Variants in SUN1 observed in about 807,000 individuals in gnomAD.
SUN1 encodes Sad1 and UNC84 domain containing 1.
Under a neutral mutation model 103.2 loss-of-function variants are expected in SUN1, and 61 were observed. That is an observed-to-expected ratio of 0.59 (90% confidence interval 0.48 to 0.73). SUN1 has a LOEUF of 0.73. SUN1 is among the 30% of genes least tolerant of loss of function. SUN1 has a pLI of 0.00. For missense variants in SUN1, 1,052 were observed against 1,034.6 expected, an observed-to-expected ratio of 1.02 and a Z score of -0.23; for synonymous variants, 490 against 425.7, an observed-to-expected ratio of 1.15 and a Z score of -1.86.
At chr7:820,933 A>G (rs1439074504) in intron 1 of SUN1, among the ~76,000 whole-genome samples, 2 of 152,132 alleles carry the variant, frequency 1.3e-5, no homozygotes, top group Admixed American at 6.5e-5. Flanking sequence ...TGGGGGTTCC[A>G]TGATCAAAGT....
chr7:835,033 G>A (rs1297720959), intron 1 of SUN1, among the ~76,000 whole-genome samples: 5 of 152,220 alleles, frequency 3.3e-5, no homozygotes, highest in African/African-American at 9.6e-5. Context: ...CTGAGATCGC[G>A]CCACTGCAGT....
intron 1 of SUN1, among the ~76,000 whole-genome samples, chr7:824,982 C>G (rs979885824): frequency 1.9e-4 from 29 of 152,116 alleles, no homozygotes; most frequent in African/African-American, 6.5e-4. Context: ...TGAATTGGAC[C>G]CCAGAGGACT....
At chr7:830,883 C>G (rs550077314), upstream of SUN1, 1 of 917,526 alleles carries the variant, frequency 1.1e-6, no homozygotes, top group Non-Finnish European at 1.3e-6. Flanking sequence ...AGGCAGAGCC[C>G]ATTGTTGCAT....
rs6948991 is a variant in SUN1 at position 850,174 on chromosome 7, A to G, written c.659-1210A>G. 14,109 of 760,502 alleles carry G rather than the reference A, an allele frequency of 0.019. 943 individuals are homozygous for G. In the East Asian group the frequency reaches 0.2, roughly 11 times the overall value. 47.1% of individuals were successfully genotyped at this position (760,502 alleles called of 1,614,324 possible). A position where few individuals can be genotyped will look rare whatever the true frequency, so the allele number is the denominator to read the frequency against. ...AATAGTATTAACTTTGGTTTAAAACAGGGTGAATCTCTCTCGAAAAGCTCC... is the reference window on the plus strand; with the variant it reads ...AATAGTATTAACTTTGGTTTAAAACGGGGTGAATCTCTCTCGAAAAGCTCC... On this transcript the variant is annotated intron_variant, in intron 5 of 18. Coordinates refer to ENST00000401592, the MANE Select transcript of SUN1 (RefSeq NM_001130965.3).
At chr7:832,200 G>C (rs1170949576), upstream of SUN1, 2 of 765,338 alleles carry the variant, frequency 2.6e-6, no homozygotes, top group East Asian at 5.1e-5. Flanking sequence ...AGAGAGCTCT[G>C]AGTTTCTCTC....
intron 1 of SUN1, among the ~76,000 whole-genome samples, chr7:835,546 C>T (rs1409377130): frequency 2.0e-5 from 3 of 152,092 alleles, no homozygotes; most frequent in African/African-American, 7.2e-5. Flanking sequence ...TGGGTGATTT[C>T]CCTCTTAAAT....
chr7:842,884 T>C (rs1448250709), intron 3 of SUN1: 3 of 493,352 alleles, frequency 6.1e-6, no homozygotes, highest in African/African-American at 5.9e-5. Context: ...CTGCTGCTGC[T>C]GAGGCTTGTG....
chr7:837,455 T>G (rs1465752408), intron 1 of SUN1, among the ~76,000 whole-genome samples: 1 of 151,374 alleles, frequency 6.6e-6, no homozygotes, highest in African/African-American at 2.5e-5. Context: ...TTTCAATCTT[T>G]TGATACAAAG....
chr7:835,031 G>T (rs556099961), intron 1 of SUN1, among the ~76,000 whole-genome samples: 5 of 152,352 alleles, frequency 3.3e-5, no homozygotes, highest in African/African-American at 1.2e-4. Flanking sequence ...AGCTGAGATC[G>T]CGCCACTGCA....
intron 10 of SUN1, 112 bp from the exon 11 acceptor site, chr7:854,808 A>G (rs1033004649): frequency 8.2e-6 from 6 of 731,270 alleles, no homozygotes; most frequent in Non-Finnish European, 1.2e-5. Flanking sequence ...CCACATTGCG[A>G]CCACAGATTC....
At chr7:843,614 G>A (rs1191189083) in intron 5 of SUN1, 94 bp downstream of exon 5, 1 of 1,607,010 alleles carries the variant, frequency 6.2e-7, no homozygotes, top group Non-Finnish European at 8.5e-7. Context: ...TATTTGTCTT[G>A]GAGACTTAAA....
rs752880435 is a variant in SUN1, at chr7:852,651, A to G, written c.894A>G (p.Pro298=). Residue 298 remains proline, a synonymous_variant, in exon 8 of 19, where the codon CCA becomes CCG. Coordinates refer to ENST00000401592, the MANE Select transcript of SUN1 (RefSeq NM_001130965.3). Reference sequence around the variant, plus strand: ...GCAAGTTTTTAGTCTTGCTCATCCCACTCTTCCTTTTACTAGGTAAGTCAA... The same window carrying G: ...GCAAGTTTTTAGTCTTGCTCATCCCGCTCTTCCTTTTACTAGGTAAGTCAA... The part of the protein sequence containing the change: ...NICKFLVLLI[P]LFLLLAGLSL... The G allele has an allele frequency of 6.2e-7, 1 of 1,613,482 alleles. No homozygotes were observed. Among genetic ancestry groups the G allele is most frequent in the Admixed American group, 1.7e-5 (1 of 59,932 alleles).
rs567300922 is a variant in SUN1, at chr7:864,207, G to A, written c.1865-1745G>A. Reference sequence around the variant, plus strand: ...AAAAATGGGGTACCCATCCCCTCCAGCATTTATCCTTTGAGTTACAAACAA... The same window carrying A: ...AAAAATGGGGTACCCATCCCCTCCAACATTTATCCTTTGAGTTACAAACAA... On this transcript the variant is annotated intron_variant, in intron 15 of 18. Transcript: ENST00000401592. Among the ~76,000 whole-genome samples the A allele has an allele frequency of 1.2e-4, 18 of 152,208 alleles. No individual in the cohort carries two copies. The South Asian group carries it at 2.1e-3, about 18-fold the overall frequency.
intron 1 of SUN1, among the ~76,000 whole-genome samples, chr7:824,314 T>G (rs987520928): frequency 2.6e-5 from 4 of 152,240 alleles, no homozygotes; most frequent in Non-Finnish European, 5.9e-5. Context: ...CAGCACGGGC[T>G]CTGCAGGAGG....
In SUN1 at chr7:838,783, G is replaced by A. The variant is rs1806085115; in HGVS notation, c.78-15G>A. 2 of 1,531,696 alleles carry A rather than the reference G, an allele frequency of 1.3e-6. No individual in the cohort carries two copies. Among genetic ancestry groups the A allele is most frequent in the South Asian group, 1.2e-5 (1 of 81,184 alleles). The allele number at this position is 1,531,696 out of a possible 1,614,324, so 94.9% of individuals were successfully genotyped here. On this transcript the variant is annotated splice_polypyrimidine_tract_variant and intron_variant, in intron 1 of 18. Transcript: ENST00000401592. ...TATAAGCACTGCTTACCTCTGATGA[G>A]CTTTTTCCTTCTAGTTCCAGCTATT...
chr7:859,713 G>C (rs916161967), intron 13 of SUN1, among the ~76,000 whole-genome samples: 1 of 152,240 alleles, frequency 6.6e-6, no homozygotes, highest in African/African-American at 2.4e-5. Flanking sequence ...GGTGTATTTA[G>C]CTTACATAAA....
At chr7:829,546 T>TG (rs1584124011), upstream of SUN1, among the ~76,000 whole-genome samples, 2 of 114,582 alleles carry the variant, frequency 1.7e-5, no homozygotes, top group South Asian at 2.9e-4. Context: ...GAAAAATAAC[T>TG]GGTTTTTTTT....
rs1369029283 is a variant in SUN1 at position 838,896 on chromosome 7, C to T, written c.176C>T (p.Ala59Val). Residue 59 changes from alanine to valine, a missense_variant, in exon 2 of 19, where the codon GCC (alanine) becomes GTC (valine). Coordinates refer to ENST00000401592, the MANE Select transcript of SUN1 (RefSeq NM_001130965.3). ...PRMSRRSLRL[A>V]TTACTLGDGE... ...ATGTCCCGCCGTAGTTTGCGCCTGG[C>T]CACGACAGCATGCACCCTGGGGGAT... 4 of 1,610,244 alleles carry T rather than the reference C, an allele frequency of 2.5e-6. No individual in the cohort carries two copies. Among genetic ancestry groups the T allele is most frequent in the South Asian group, 1.1e-5 (1 of 89,710 alleles).
chr7:823,126 G>A (rs1025290667), intron 1 of SUN1, among the ~76,000 whole-genome samples: 6 of 152,266 alleles, frequency 3.9e-5, no homozygotes, highest in Non-Finnish European at 5.9e-5. Flanking sequence ...AGCAGGGTGC[G>A]TGGCGTGGAG....
Sources: allele counts gnomAD v4.1 joint callset (sites outside exome capture counted in the v4.1 genomes callset), GRCh38; gene constraint gnomAD v4.1.1; transcripts MANE v1.5; gene names NCBI Gene and HGNC (gene_info 2026-07-23, HGNC 2026-07-21).